C3orf70: variants seen among roughly 807,000 people sequenced by gnomAD.
C3orf70 encodes the protein chromosome 3 open reading frame 70, also known as UPF0524 protein C3orf70.
A neutral mutation model predicts 20.7 loss-of-function variants in C3orf70; 15 were observed. The observed-to-expected ratio is 0.72, with a 90% CI of 0.48 to 1.11. The LOEUF is 1.11. Ranked by LOEUF, C3orf70 falls within the 50% of genes most tolerant of loss-of-function variation. C3orf70 has a pLI of 0.00. For missense variants in C3orf70, 332 were observed against 317.6 expected, an observed-to-expected ratio of 1.05 and a Z score of -0.34; for synonymous variants, 161 against 125.7, an observed-to-expected ratio of 1.28 and a Z score of -1.88.
At position 185,082,660 on chromosome 3, in the gene C3orf70, G is replaced by T. The variant is rs1021939591; in HGVS notation, c.*347C>A. On this transcript the variant is annotated 3_prime_UTR_variant, in exon 2 of 2. Coordinates refer to ENST00000335012, the MANE Select transcript of C3orf70 (RefSeq NM_001025266.3). ...AAGGACTGGCTACCGAGAAAACACC[G>T]GCTCCTTCCCTTTCGGTACCTCCTC... is the stretch of plus-strand genomic sequence containing the variant. The T allele has an allele frequency of 1.3e-5, 3 of 230,178 alleles. No individual in the cohort carries two copies. The highest frequency in any genetic ancestry group is 2.6e-5 in the Non-Finnish European group (3 of 117,600). 14.3% of individuals were successfully genotyped at this position (230,178 alleles called of 1,614,324 possible). A position where few individuals can be genotyped will look rare whatever the true frequency, so the allele number is the denominator to read the frequency against.
chr3:185,094,668 A>G lies in C3orf70; in HGVS notation c.197-11105T>C, dbSNP rs567103465. Among the ~76,000 whole-genome samples, 8 of 151,944 alleles carry G rather than the reference A, an allele frequency of 5.3e-5. No homozygotes were observed. The East Asian group carries it at 1.3e-3, about 26-fold the overall frequency. ...GAAACTTCTGGTAGATTAAAAAAAA[A>G]AAAAATCTCCTAGGCTTCCAGTTCC... On this transcript the variant is annotated intron_variant, in intron 1 of 1. Coordinates refer to ENST00000335012, the MANE Select transcript of C3orf70 (RefSeq NM_001025266.3).
At chr3:185,126,345 G>C (rs567083608) in intron 1 of C3orf70, among the ~76,000 whole-genome samples, 1 of 152,266 alleles carries the variant, frequency 6.6e-6, no homozygotes, top group African/African-American at 2.4e-5. Context: ...AAATAGCCTA[G>C]AGAAGTTGTT....
chr3:185,084,473 A>G (rs1031997366), intron 1 of C3orf70, among the ~76,000 whole-genome samples: 2 of 151,890 alleles, frequency 1.3e-5, no homozygotes, highest in African/African-American at 4.8e-5. Context: ...CTGAGGACCA[A>G]AGCTCATCAG....
intron 1 of C3orf70, among the ~76,000 whole-genome samples, chr3:185,129,157 A>G (rs368004122): frequency 1.3e-5 from 2 of 152,188 alleles, no homozygotes; most frequent in Admixed American, 6.5e-5. Context: ...GCAGGATGGT[A>G]ACATGGGTAT....
intron 1 of C3orf70, among the ~76,000 whole-genome samples, chr3:185,143,139 C>T (rs1275387090): frequency 2.6e-5 from 4 of 151,992 alleles, no homozygotes; most frequent in African/African-American, 9.7e-5. Flanking sequence ...GAAAAATGTC[C>T]TCATTCTTGA....
At chr3:185,120,819 T>C (rs1018579157) in intron 1 of C3orf70, among the ~76,000 whole-genome samples, 1 of 151,044 alleles carries the variant, frequency 6.6e-6, no homozygotes, top group Non-Finnish European at 1.5e-5. Context: ...GAAAACAGTA[T>C]GGAGATTCCT....
intron 1 of C3orf70, among the ~76,000 whole-genome samples, chr3:185,131,909 A>C (rs1378749135): frequency 6.6e-6 from 1 of 152,238 alleles, no homozygotes; most frequent in Non-Finnish European, 1.5e-5. Flanking sequence ...GTAAATTACA[A>C]ATAAACCAAC....
At chr3:185,152,528 C>G in intron 1 of C3orf70, 100 bp downstream of exon 1, 1 of 1,110,936 alleles carries the variant, frequency 9.0e-7, no homozygotes, top group African/African-American at 1.6e-5. Flanking sequence ...CCGGCAGAGC[C>G]CGGAGCCCCG....
chr3:185,127,502 C>T (rs556091407), intron 1 of C3orf70, among the ~76,000 whole-genome samples: 10 of 152,174 alleles, frequency 6.6e-5, no homozygotes, highest in South Asian at 6.3e-4. Flanking sequence ...TGCAGTGGCG[C>T]GATCTCGGTT....
chr3:185,124,616 A>C (rs1716370587), intron 1 of C3orf70, among the ~76,000 whole-genome samples: 1 of 152,152 alleles, frequency 6.6e-6, no homozygotes, highest in Non-Finnish European at 1.5e-5. Context: ...AATCTTTGTG[A>C]CCTTGGATGA....
chr3:185,129,488 G>A (rs1014975761), intron 1 of C3orf70, among the ~76,000 whole-genome samples: 2 of 152,098 alleles, frequency 1.3e-5, no homozygotes, highest in Non-Finnish European at 2.9e-5. Context: ...ATGGGCACAC[G>A]TAGGTTGATT....
At chr3:185,091,932 TATATATATATATATATATATATATATATA>T (rs1288433930) in intron 1 of C3orf70, among the ~76,000 whole-genome samples, 286 of 5,842 alleles carry the variant, frequency 0.049, 12 homozygotes, top group African/African-American at 0.13. Context: ...TATATATATA[TATATATATATATATATATATATATATATA>T]TATTTTTTTT....
At chr3:185,116,621 G>A (rs1716179804) in intron 1 of C3orf70, among the ~76,000 whole-genome samples, 1 of 152,128 alleles carries the variant, frequency 6.6e-6, no homozygotes, top group African/African-American at 2.4e-5. Flanking sequence ...CCCCTGGGTG[G>A]CAAAATTATC....
chr3:185,141,186 T>C (rs1279814073), intron 1 of C3orf70, among the ~76,000 whole-genome samples: 1 of 152,150 alleles, frequency 6.6e-6, no homozygotes, highest in Non-Finnish European at 1.5e-5. Context: ...TCTGGTACTT[T>C]GTTATAGCAG....
At chr3:185,125,572 C>T (rs956234222) in intron 1 of C3orf70, among the ~76,000 whole-genome samples, 1 of 152,140 alleles carries the variant, frequency 6.6e-6, no homozygotes, top group Admixed American at 6.5e-5. Context: ...CAGCCTTATT[C>T]TTAACAGACA....
At chr3:185,133,478 C>A (rs1156801679) in intron 1 of C3orf70, among the ~76,000 whole-genome samples, 1 of 152,134 alleles carries the variant, frequency 6.6e-6, no homozygotes, top group Non-Finnish European at 1.5e-5. Flanking sequence ...CATGGTGGCT[C>A]ATGCCTATAA....
chr3:185,110,818 T>A (rs894269440), intron 1 of C3orf70, among the ~76,000 whole-genome samples: 1 of 152,242 alleles, frequency 6.6e-6, no homozygotes, highest in Non-Finnish European at 1.5e-5. Context: ...ATTCGGCCCA[T>A]CCCTTCATTT....
Position 185,124,894 on chromosome 3 carries a change from C to G in C3orf70, c.196+27734G>C, listed in dbSNP as rs535674650. On this transcript the variant is annotated intron_variant, in intron 1 of 1. Coordinates refer to ENST00000335012, the MANE Select transcript of C3orf70 (RefSeq NM_001025266.3). ...ACCAAAGATTATACAGATGGCAAACCAGCACATGAAAAGATGTCCAACATC... is the reference window on the plus strand; with the variant it reads ...ACCAAAGATTATACAGATGGCAAACGAGCACATGAAAAGATGTCCAACATC... 8.7e-4 allele frequency among the ~76,000 whole-genome samples: 133 copies of G among 152,152 alleles called. 1 individual carries two copies. The highest frequency in any genetic ancestry group is 3.2e-3 in the African/African-American group (132 of 41,520).
chr3:185,147,759 G>A (rs901194170), intron 1 of C3orf70, among the ~76,000 whole-genome samples: 2 of 152,122 alleles, frequency 1.3e-5, no homozygotes, highest in African/African-American at 2.4e-5. Context: ...AGCTCCTAAC[G>A]CTCTGTTCTC....
Sources: allele counts gnomAD v4.1 joint callset (sites outside exome capture counted in the v4.1 genomes callset), GRCh38; gene constraint gnomAD v4.1.1; transcripts MANE v1.5; gene names NCBI Gene and HGNC (gene_info 2026-07-23, HGNC 2026-07-21).